KCND2: variants seen among roughly 807,000 people sequenced by gnomAD.
KCND2 encodes A-type voltage-gated potassium channel KCND2.
Under a neutral mutation model 54.4 loss-of-function variants are expected in KCND2, and 16 were observed. That is an observed-to-expected ratio of 0.29 (90% confidence interval 0.20 to 0.45). The LOEUF (loss-of-function observed/expected upper bound fraction) is 0.45. Ranked by LOEUF, KCND2 falls within the 20% of genes least tolerant of loss-of-function variation. KCND2 has a pLI of 1.00. For synonymous variants in KCND2, 317 were observed against 310.7 expected (o/e 1.02, Z -0.21); for missense variants, 486 against 824.2 (o/e 0.59, Z 5.02).
intron 1 of KCND2, among the ~76,000 whole-genome samples, chr7:120,279,610 G>A (rs553421600): frequency 5.3e-4 from 80 of 151,806 alleles, no homozygotes; most frequent in African/African-American, 1.6e-3. Flanking sequence ...AAACAAATAC[G>A]GTGGCGTTAC....
At chr7:120,302,148 T>G (rs919425414) in intron 1 of KCND2, among the ~76,000 whole-genome samples, 1 of 152,218 alleles carries the variant, frequency 6.6e-6, no homozygotes. Flanking sequence ...ATATCAGTAG[T>G]GAAGACTCCC....
At chr7:120,595,639 G>A (rs1306607255) in intron 1 of KCND2, among the ~76,000 whole-genome samples, 5 of 141,966 alleles carry the variant, frequency 3.5e-5, no homozygotes, top group Admixed American at 2.2e-4. Flanking sequence ...AGAAATTACC[G>A]TGTCATTGCT....
At chr7:120,370,924 G>T (rs73431984) in intron 1 of KCND2, among the ~76,000 whole-genome samples, 2,042 of 152,162 alleles carry the variant, frequency 0.013, 46 homozygotes, top group African/African-American at 0.044. Context: ...AGTGCTGAAG[G>T]TGAGTGATTT....
At chr7:120,341,011 T>C (rs1279477620) in intron 1 of KCND2, among the ~76,000 whole-genome samples, 1 of 152,130 alleles carries the variant, frequency 6.6e-6, no homozygotes, top group African/African-American at 2.4e-5. Context: ...GTGAAATGAA[T>C]TGTATTTGTG....
At chr7:120,390,041 A>T in intron 1 of KCND2, among the ~76,000 whole-genome samples, 1 of 151,942 alleles carries the variant, frequency 6.6e-6, no homozygotes, top group African/African-American at 2.4e-5. Context: ...TTAAGTTTAC[A>T]TTAATTAATG....
chr7:120,276,325 T>C (rs1030882122), intron 1 of KCND2, among the ~76,000 whole-genome samples: 1 of 152,200 alleles, frequency 6.6e-6, no homozygotes, highest in Non-Finnish European at 1.5e-5. Context: ...TTATGGTTGA[T>C]AGGTTATTCA....
chr7:120,526,902 T>A (rs1791783511), intron 1 of KCND2, among the ~76,000 whole-genome samples: 1 of 152,150 alleles, frequency 6.6e-6, no homozygotes, highest in African/African-American at 2.4e-5. Context: ...CTGGAATCCA[T>A]TTTGATAAGG....
At position 120,275,487 on chromosome 7, in the gene KCND2, C is replaced by T. The variant is rs1187556481; in HGVS notation, c.855C>T (p.Val285=). ...TGGTGATGACAGACAATGAGGACGT[C>T]AGCGGAGCCTTTGTCACACTCCGAG... ...IGLVMTDNED[V]SGAFVTLRVF... Residue 285 remains valine, a synonymous_variant, in exon 1 of 6, where the codon GTC becomes GTT. Transcript: ENST00000331113. The T allele has an allele frequency of 1.9e-6, 3 of 1,612,808 alleles. No homozygotes were observed. The highest frequency in any genetic ancestry group is 2.2e-5 in the East Asian group (1 of 44,842).
chr7:120,295,937 TATTA>T (rs947678129), intron 1 of KCND2, among the ~76,000 whole-genome samples: 2 of 152,052 alleles, frequency 1.3e-5, no homozygotes, highest in African/African-American at 2.4e-5. Flanking sequence ...ATTCAGTCAC[TATTA>T]ATTATTTCCC....
chr7:120,353,133 C>CT (rs72353278), intron 1 of KCND2, among the ~76,000 whole-genome samples: 63,668 of 88,934 alleles, frequency 0.72, 24,666 homozygotes, highest in South Asian at 0.83. Flanking sequence ...AATACTTTTA[C>CT]TTTTTTTTTT....
At chr7:120,561,061 G>A (rs548072824) in intron 1 of KCND2, among the ~76,000 whole-genome samples, 34 of 152,206 alleles carry the variant, frequency 2.2e-4, no homozygotes, top group African/African-American at 6.7e-4. Flanking sequence ...GTGATCAAAC[G>A]ATCAATCTTT....
chr7:120,383,526 G>A (rs1800941651), intron 1 of KCND2, among the ~76,000 whole-genome samples: 2 of 152,010 alleles, frequency 1.3e-5, no homozygotes, highest in Admixed American at 6.6e-5. Context: ...ATACTAATAT[G>A]TTCTAAAGTT....
intron 1 of KCND2, among the ~76,000 whole-genome samples, chr7:120,430,049 G>C (rs1446391182): frequency 1.3e-5 from 2 of 152,252 alleles, no homozygotes; most frequent in African/African-American, 2.4e-5. Context: ...ACTGACTTAA[G>C]AGTTCTTTGT....
intron 1 of KCND2, among the ~76,000 whole-genome samples, chr7:120,532,984 T>C (rs1791860773): frequency 6.6e-6 from 1 of 152,082 alleles, no homozygotes; most frequent in South Asian, 2.1e-4. Flanking sequence ...AGTTCTCTGA[T>C]AGAAATTTGA....
At position 120,748,975 on chromosome 7, in the gene KCND2, T is replaced by C. The variant is rs2116199851; in HGVS notation, c.*1117T>C. On this transcript the variant is annotated 3_prime_UTR_variant, in exon 6 of 6. Transcript: ENST00000331113. Reference sequence around the variant, plus strand: ...TTGTCGAAAACTAGAAAAAAAGGAGTTGACCCATATAAATTATCTCTAACG... The same window carrying C: ...TTGTCGAAAACTAGAAAAAAAGGAGCTGACCCATATAAATTATCTCTAACG... 1 of 151,870 alleles carries C rather than the reference T, an allele frequency of 6.6e-6. No homozygotes were observed. The highest frequency in any genetic ancestry group is 2.1e-4 in the South Asian group (1 of 4,822). 9.4% of individuals were successfully genotyped at this position (151,870 alleles called of 1,614,324 possible).
At chr7:120,610,544 G>C (rs1265253590) in intron 1 of KCND2, among the ~76,000 whole-genome samples, 1 of 152,074 alleles carries the variant, frequency 6.6e-6, no homozygotes, top group African/African-American at 2.4e-5. Context: ...ATTCCAGTGT[G>C]GGGTAGGACC....
At chr7:120,559,303 G>C (rs1792203991) in intron 1 of KCND2, among the ~76,000 whole-genome samples, 1 of 152,178 alleles carries the variant, frequency 6.6e-6, no homozygotes, top group African/African-American at 2.4e-5. Context: ...AATTAGCCGA[G>C]TGTGTTGTAT....
chr7:120,581,385 T>C (rs1367973365), intron 1 of KCND2, among the ~76,000 whole-genome samples: 3 of 152,252 alleles, frequency 2.0e-5, no homozygotes, highest in Non-Finnish European at 2.9e-5. Context: ...GTAGGTAGTA[T>C]GTGTAAGTGT....
chr7:120,392,433 T>G (rs1254551013), intron 1 of KCND2, among the ~76,000 whole-genome samples: 1 of 151,562 alleles, frequency 6.6e-6, no homozygotes, highest in African/African-American at 2.4e-5. Context: ...TAAAGTAGTT[T>G]TTTTTGTTTT....
Sources: gnomAD v4.1 joint callset for allele counts (sites outside exome capture counted in the v4.1 genomes callset) on GRCh38, gnomAD v4.1.1 for gene constraint, MANE v1.5 for transcripts, NCBI Gene and HGNC (gene_info 2026-07-23, HGNC 2026-07-21) for gene names.